Variants in ZCCHC14 observed in about 807,000 individuals in gnomAD.
The protein encoded by ZCCHC14 is zinc finger CCHC-type containing 14.
Under a neutral mutation model 85.0 loss-of-function variants are expected in ZCCHC14, and 16 were observed. That is an observed-to-expected ratio of 0.19 (90% CI 0.13 to 0.29). ZCCHC14 has a LOEUF of 0.29. Ranked by LOEUF, ZCCHC14 falls within the 10% of genes least tolerant of loss-of-function variation. The pLI, the probability that ZCCHC14 is intolerant of heterozygous loss-of-function variation, is 1.00. For missense variants in ZCCHC14, 1,303 were observed against 1,443.5 expected, an observed-to-expected ratio of 0.90 and a Z score of 1.58; for synonymous variants, 775 against 630.7, an observed-to-expected ratio of 1.23 and a Z score of -3.43.
At position 87,420,522 on chromosome 16, in the gene ZCCHC14, C is replaced by T. The variant is rs116321256; in HGVS notation, c.950+85G>A. On this transcript the variant is annotated intron_variant, in intron 5 of 12. Transcript: ENST00000671377. This position sits in a 1 kb window ranked among gnomAD's most constrained non-coding sequence, Gnocchi z 5.0. ...CAGGTGACCGCGCATCCTCCCAGAG[C>T]TCCTTGGAGGACCACAGCATTGACC... 1,186 of 1,107,148 alleles carry T rather than the reference C, an allele frequency of 1.1e-3. 4 individuals carry two copies. In the African/African-American group the frequency reaches 0.016, roughly 14 times the overall value. 68.6% of individuals were successfully genotyped at this position (1,107,148 alleles called of 1,614,324 possible).
chr16:87,486,893 A>C (rs1001108859), intron 1 of ZCCHC14, among the ~76,000 whole-genome samples: 1 of 152,220 alleles, frequency 6.6e-6, no homozygotes, highest in African/African-American at 2.4e-5. Flanking sequence ...ACCATCAGTG[A>C]CAACAGCTGC....
At position 87,491,774 on chromosome 16, in the gene ZCCHC14, C is replaced by G. The variant is rs535214218; in HGVS notation, c.465G>C (p.Gln155His). Residue 155 changes from glutamine to histidine, a missense_variant, in exon 1 of 13, where the codon CAG becomes CAC. By Grantham distance (24) the Gln-to-His change is conservative. Around this residue, in one of 7 missense-constraint regions of ZCCHC14, gnomAD observed 389 missense variants for 397.8 expected, o/e 0.98. Coordinates refer to ENST00000671377, the MANE Select transcript of ZCCHC14 (RefSeq NM_015144.3). The surrounding 1 kb of genome is among the most constrained non-coding windows in gnomAD (Gnocchi z 5.9). ...GGCTGCTCTGGATCTGCGTGAGCTCCTGGCGCAGCACCTGCTTCTGGTGGA... is the reference window on the plus strand; with the variant it reads ...GGCTGCTCTGGATCTGCGTGAGCTCGTGGCGCAGCACCTGCTTCTGGTGGA... ...FSFHQKQVLR[Q>H]ELTQIQSSLN... 9 of 1,589,144 alleles carry G rather than the reference C, an allele frequency of 5.7e-6. No individual in the cohort carries two copies. The highest frequency in any genetic ancestry group is 7.7e-6 in the Non-Finnish European group (9 of 1,171,240).
intron 1 of ZCCHC14, among the ~76,000 whole-genome samples, chr16:87,465,973 T>C (rs1409948399): frequency 2.0e-5 from 3 of 152,046 alleles, no homozygotes; most frequent in Non-Finnish European, 4.4e-5. Context: ...TCCCTTTAGA[T>C]GGGATGGAAA....
intron 2 of ZCCHC14, among the ~76,000 whole-genome samples, chr16:87,440,623 T>C (rs1169638665): frequency 6.6e-6 from 1 of 152,042 alleles, no homozygotes; most frequent in Non-Finnish European, 1.5e-5. Flanking sequence ...TTCATTTTCT[T>C]TTTGACAGGG....
intron 2 of ZCCHC14, among the ~76,000 whole-genome samples, chr16:87,459,634 C>T (rs1226452468): frequency 2.0e-5 from 3 of 151,964 alleles, no homozygotes; most frequent in African/African-American, 7.3e-5. Context: ...CTCAGCCTCC[C>T]GAGTAGCTGG....
In ZCCHC14 at chr16:87,412,599, G is replaced by T. The variant is rs761440503; in HGVS notation, c.2122C>A (p.Pro708Thr). ...GAAAGCCCAGAGAGGACCTGCACAG[G>T]CTGGTGGGGTGCGGACGCGGGCAGC... The part of the protein sequence containing the change: ...DVLPASAPHQ[P>T]VQVLSGLSES... Residue 708 changes from proline to threonine, a missense_variant, in exon 12 of 13, where the codon CCT (proline) becomes ACT (threonine). Coordinates refer to ENST00000671377, the MANE Select transcript of ZCCHC14 (RefSeq NM_015144.3). 1 of 1,614,084 alleles carries T rather than the reference G, an allele frequency of 6.2e-7. No homozygotes were observed.
rs954835186 is a variant in ZCCHC14, at chr16:87,491,601, G to A, written c.570+68C>T. 3 of 1,319,836 alleles carry A rather than the reference G, an allele frequency of 2.3e-6. No homozygotes were observed. The highest frequency in any genetic ancestry group is 2.7e-4 in the Middle Eastern group (1 of 3,678). The allele number at this position is 1,319,836 out of a possible 1,614,324, so 81.8% of individuals were successfully genotyped here. A position where few individuals can be genotyped will look rare whatever the true frequency, so the allele number is the denominator to read the frequency against. ...GGTCGGGGGGTCGCGGTGCAGGCTG[G>A]AGGCTTGGAGTGCAGAGTTGGGGAT... On this transcript the variant is annotated intron_variant, in intron 1 of 12. Transcript: ENST00000671377. This position sits in a 1 kb window ranked among gnomAD's most constrained non-coding sequence, Gnocchi z 5.9.
At chr16:87,431,472 G>GAA (rs537437083) in intron 3 of ZCCHC14, among the ~76,000 whole-genome samples, 46 of 76,744 alleles carry the variant, frequency 6.0e-4, no homozygotes, top group Middle Eastern at 0.017. Context: ...GGCTCTGTCT[G>GAA]AAAAAAAAAA....
chr16:87,408,255 G>A lies in ZCCHC14; in HGVS notation c.*2025C>T, dbSNP rs1377270749. On this transcript the variant is annotated 3_prime_UTR_variant, in exon 13 of 13. Coordinates refer to ENST00000671377, the MANE Select transcript of ZCCHC14 (RefSeq NM_015144.3). Reference sequence around the variant, plus strand: ...ATGTTTTTTCCTTTTGTTATGAGACGGTTTTCAACAATTTCAGTGTTGAAA... The same window carrying A: ...ATGTTTTTTCCTTTTGTTATGAGACAGTTTTCAACAATTTCAGTGTTGAAA... The A allele has an allele frequency of 6.6e-6, 1 of 152,322 alleles. No homozygotes were observed. Among genetic ancestry groups the A allele is most frequent in the African/African-American group, 2.4e-5 (1 of 41,350 alleles). The allele number at this position is 152,322 out of a possible 1,614,324, so 9.4% of individuals were successfully genotyped here. A position where few individuals can be genotyped will look rare whatever the true frequency, so the allele number is the denominator to read the frequency against.
rs1249960149 is a variant in ZCCHC14, at chr16:87,408,150, C to G, written c.*2130G>C. The G allele has an allele frequency of 6.6e-6, 1 of 152,646 alleles. No homozygotes were observed. The highest frequency in any genetic ancestry group is 2.4e-5 in the African/African-American group (1 of 41,452). 9.5% of individuals were successfully genotyped at this position (152,646 alleles called of 1,614,324 possible). A position where few individuals can be genotyped will look rare whatever the true frequency, so the allele number is the denominator to read the frequency against. On this transcript the variant is annotated 3_prime_UTR_variant, in exon 13 of 13. Transcript: ENST00000671377. ...GTTTTGCTGGATTTAAGGTTAACCT[C>G]TAATACTTATCAAAATAGTTACGTG... is the stretch of plus-strand genomic sequence containing the variant.
chr16:87,468,463 CAAAA>C (rs71156233), intron 1 of ZCCHC14, among the ~76,000 whole-genome samples: 1 of 145,388 alleles, frequency 6.9e-6, no homozygotes, highest in Non-Finnish European at 1.5e-5. Context: ...ATTACATAGT[CAAAA>C]AAAAAAAAAG....
intron 2 of ZCCHC14, among the ~76,000 whole-genome samples, chr16:87,455,047 G>A (rs996521317): frequency 2.6e-5 from 4 of 152,224 alleles, no homozygotes; most frequent in Non-Finnish European, 5.9e-5. Context: ...CCAGCACTGT[G>A]GGAGGCCGAG....
intron 3 of ZCCHC14, among the ~76,000 whole-genome samples, chr16:87,432,130 A>AT (rs1909693777): frequency 2.0e-5 from 3 of 152,192 alleles, no homozygotes; most frequent in African/African-American, 7.2e-5. Context: ...GTCATGCCAG[A>AT]TGCTCACAGG....
intron 1 of ZCCHC14, among the ~76,000 whole-genome samples, chr16:87,465,867 T>C (rs903744934): frequency 6.6e-6 from 1 of 152,128 alleles, no homozygotes; most frequent in Non-Finnish European, 1.5e-5. Flanking sequence ...GGTCTCACCA[T>C]GTTACCCAGG....
In ZCCHC14 at chr16:87,406,543, G is replaced by A. The variant is rs1908210009; in HGVS notation, c.*3737C>T. 6.6e-6 allele frequency: 1 copy of A among 152,534 alleles called. No individual in the cohort carries two copies. Among genetic ancestry groups the A allele is most frequent in the African/African-American group, 2.4e-5 (1 of 41,442 alleles). 9.4% of individuals were successfully genotyped at this position (152,534 alleles called of 1,614,324 possible). A position where few individuals can be genotyped will look rare whatever the true frequency, so the allele number is the denominator to read the frequency against. ...AGAAAATATGTCCAATAGAAGCTGTGAAGGTATCGAGTACACAAGGTGTCC... is the reference window on the plus strand; with the variant it reads ...AGAAAATATGTCCAATAGAAGCTGTAAAGGTATCGAGTACACAAGGTGTCC... On this transcript the variant is annotated 3_prime_UTR_variant, in exon 13 of 13. Transcript: ENST00000671377.
intron 1 of ZCCHC14, among the ~76,000 whole-genome samples, chr16:87,474,853 G>C (rs1911930667): frequency 6.6e-6 from 1 of 152,216 alleles, no homozygotes; most frequent in African/African-American, 2.4e-5. Context: ...GCACGGGGCA[G>C]GTCCAGGACA....
At chr16:87,486,776 CTT>C (rs941872277) in intron 1 of ZCCHC14, among the ~76,000 whole-genome samples, 11 of 152,230 alleles carry the variant, frequency 7.2e-5, no homozygotes, top group African/African-American at 2.7e-4. Flanking sequence ...AGCCAGAAGA[CTT>C]AGTTCACAGA....
chr16:87,480,444 T>C (rs1170132873), intron 1 of ZCCHC14, among the ~76,000 whole-genome samples: 1 of 152,094 alleles, frequency 6.6e-6, no homozygotes, highest in African/African-American at 2.4e-5. Flanking sequence ...AGAATACAGA[T>C]GTTAAAATTC....
chr16:87,425,302 C>T (rs984206029), intron 3 of ZCCHC14, among the ~76,000 whole-genome samples: 6 of 152,166 alleles, frequency 3.9e-5, no homozygotes, highest in African/African-American at 9.7e-5. Flanking sequence ...TGAGGCCGGG[C>T]GCAGTGGCTC....
Sources: allele counts gnomAD v4.1 joint callset (sites outside exome capture counted in the v4.1 genomes callset), GRCh38; gene constraint gnomAD v4.1.1; regional missense constraint gnomAD v4.1.1; non-coding constraint Gnocchi (gnomAD v3.1); transcripts MANE v1.5; gene names NCBI Gene and HGNC (gene_info 2026-07-23, HGNC 2026-07-21).